The following ARRDC2 variants were observed in gnomAD, a reference collection of about 807,000 sequenced individuals.
ARRDC2 encodes arrestin domain containing 2, also known as arrestin domain-containing protein 2.
ARRDC2 carries 39 observed loss-of-function variants against 38.9 expected under a neutral mutation model. That is an observed-to-expected ratio of 1.00 (90% confidence interval 0.78 to 1.31). The LOEUF (loss-of-function observed/expected upper bound fraction) is 1.31, where lower values mean the gene tolerates loss of function less well. Ranked by LOEUF, ARRDC2 falls within the 50% of genes most tolerant of loss-of-function variation. The pLI, the probability that ARRDC2 is intolerant of heterozygous loss-of-function variation, is 0.00. For synonymous variants in ARRDC2, 300 were observed against 261.9 expected (o/e 1.15, Z -1.41); for missense variants, 553 against 588.4 (o/e 0.94, Z 0.62).
intron 7 of ARRDC2, among the ~76,000 whole-genome samples, chr19:18,011,234 G>T (rs1387589874): frequency 6.6e-6 from 1 of 152,102 alleles, no homozygotes; most frequent in Admixed American, 6.6e-5. Context: ...CTGACCTCAG[G>T]TGATGGCCTG....
At chr19:18,004,613 C>T (rs1381715840), upstream of ARRDC2, among the ~76,000 whole-genome samples, 2 of 151,298 alleles carry the variant, frequency 1.3e-5, no homozygotes, top group Admixed American at 6.6e-5. Flanking sequence ...CGCTGGAACC[C>T]GGAAGGTGGA....
chr19:18,002,776 C>T (rs530908798), intron 1 of ARRDC2, among the ~76,000 whole-genome samples: 43 of 152,124 alleles, frequency 2.8e-4, no homozygotes, highest in Non-Finnish European at 5.4e-4. Context: ...ACCCGAAGGC[C>T]GGCCCAGACA....
In ARRDC2 at chr19:18,010,057, C is replaced by G. The variant is rs757925493; in HGVS notation, c.849+18C>G. Reference sequence around the variant, plus strand: ...CACTCAAGGTAGGGCATCCTGCTGGCCCTGGGGGACAGTGCCTACATTCAC... The same window carrying G: ...CACTCAAGGTAGGGCATCCTGCTGGGCCTGGGGGACAGTGCCTACATTCAC... On this transcript the variant is annotated intron_variant, in intron 5 of 7. Transcript: ENST00000222250. 1 of 1,603,636 alleles carries G rather than the reference C, an allele frequency of 6.2e-7. No individual in the cohort carries two copies. The highest frequency in any genetic ancestry group is 8.5e-7 in the Non-Finnish European group (1 of 1,179,084).
At chr19:18,002,343 T>C (rs1295139189) in intron 1 of ARRDC2, among the ~76,000 whole-genome samples, 1 of 152,036 alleles carries the variant, frequency 6.6e-6, no homozygotes, top group African/African-American at 2.4e-5. Context: ...CTTGGGCAGG[T>C]CCCTACTCTT....
chr19:18,012,432 C>A (rs1361674005), intron 7 of ARRDC2, among the ~76,000 whole-genome samples: 1 of 151,694 alleles, frequency 6.6e-6, no homozygotes, highest in South Asian at 2.1e-4. Flanking sequence ...ACCAAAAATA[C>A]AAAAATTAGC....
At chr19:18,003,161 C>T (rs918419257) in intron 1 of ARRDC2, among the ~76,000 whole-genome samples, 3 of 152,116 alleles carry the variant, frequency 2.0e-5, no homozygotes, top group African/African-American at 7.2e-5. Context: ...GTGGGTCCAC[C>T]TGTGGTCCCA....
rs1272945189 is a variant in ARRDC2, at chr19:18,009,596, C to A, written c.494C>A (p.Pro165His). 2 of 1,600,844 alleles carry A rather than the reference C, an allele frequency of 1.2e-6. No individual in the cohort carries two copies. The highest frequency in any genetic ancestry group is 1.7e-6 in the Non-Finnish European group (2 of 1,170,534). Residue 165 changes from proline (P) to histidine (H), a missense_variant, in exon 4 of 8, where the codon CCT (proline) becomes CAT (histidine). Physicochemically the swap from Pro to His is moderately conservative, Grantham distance 77. Coordinates refer to ENST00000222250, the MANE Select transcript of ARRDC2 (RefSeq NM_015683.2). ...VDINTPALLAPQAGAREKVAR... is the reference protein window; with the variant it reads ...VDINTPALLAHQAGAREKVAR... ...CACTTTCCTCTACACCGACAGGCAC[C>A]TCAAGCGGGGGCTCGGGAAAAGGTT...
chr19:18,002,375 G>T (rs1469278121), intron 1 of ARRDC2, among the ~76,000 whole-genome samples: 1 of 152,144 alleles, frequency 6.6e-6, no homozygotes, highest in African/African-American at 2.4e-5. Context: ...AGTCCTTCTC[G>T]CACCCCAAGC....
chr19:18,012,274 T>C (rs2033430146), intron 7 of ARRDC2, among the ~76,000 whole-genome samples: 1 of 151,736 alleles, frequency 6.6e-6, no homozygotes, highest in Non-Finnish European at 1.5e-5. Context: ...GTATTATAGG[T>C]AATCTAGAAG....
At chr19:18,006,408 C>T (rs553567596), upstream of ARRDC2, among the ~76,000 whole-genome samples, 3 of 152,212 alleles carry the variant, frequency 2.0e-5, no homozygotes, top group East Asian at 3.8e-4. Context: ...GTGGATCACT[C>T]GAGGTTAGGA....
intron 7 of ARRDC2, among the ~76,000 whole-genome samples, chr19:18,011,330 C>T (rs551247580): frequency 3.9e-5 from 6 of 152,106 alleles, no homozygotes; most frequent in African/African-American, 1.4e-4. Context: ...TGTGGTCTCA[C>T]TGTGTTGCCC....
At chr19:18,006,741 C>T (rs539806864), upstream of ARRDC2, among the ~76,000 whole-genome samples, 134 of 152,318 alleles carry the variant, frequency 8.8e-4, 1 homozygote, top group South Asian at 0.015. Context: ...TGTGTGACCT[C>T]GGGCAGAGCC....
exon 1 of ARRDC2, chr19:18,001,162 T>A: frequency 1.2e-6 from 1 of 852,542 alleles, no homozygotes; most frequent in Non-Finnish European, 1.5e-6. Flanking sequence ...GCGCCCGCCC[T>A]GGGCCACCGG....
intron 1 of ARRDC2, among the ~76,000 whole-genome samples, chr19:18,002,339 C>T (rs1457374620): frequency 3.3e-5 from 5 of 152,198 alleles, no homozygotes; most frequent in Non-Finnish European, 1.5e-5. Context: ...GGGTCTTGGG[C>T]AGGTCCCTAC....
intron 2 of ARRDC2, 60 bp downstream of exon 2, chr19:18,008,837 C>T: frequency 6.9e-6 from 11 of 1,599,802 alleles, no homozygotes; most frequent in Non-Finnish European, 9.4e-6. Flanking sequence ...ATTGGTACCT[C>T]CAATACTGGA....
At chr19:18,002,245 G>A (rs145669305) in intron 1 of ARRDC2, among the ~76,000 whole-genome samples, 72 of 152,346 alleles carry the variant, frequency 4.7e-4, no homozygotes, top group African/African-American at 1.6e-3. Flanking sequence ...AGGGTTGGGG[G>A]TCTGGTGGTA....
At chr19:18,001,816 G>A (rs973102856) in intron 1 of ARRDC2, among the ~76,000 whole-genome samples, 1 of 152,178 alleles carries the variant, frequency 6.6e-6, no homozygotes, top group Non-Finnish European at 1.5e-5. Context: ...AGTGGCGCGC[G>A]CCTGGAGTCC....
chr19:18,009,066 G>T lies in ARRDC2; in HGVS notation c.437G>T (p.Arg146Met), dbSNP rs1219971231. 6.2e-7 allele frequency: 1 copy of T among 1,613,584 alleles called. No homozygotes were observed. Among genetic ancestry groups the T allele is most frequent in the Non-Finnish European group, 8.5e-7 (1 of 1,179,992 alleles). Residue 146 changes from arginine (R) to methionine (M), a missense_variant, in exon 3 of 8, where the codon AGG (arginine) becomes ATG (methionine). Arg to Met is a moderately conservative substitution (Grantham distance 91, BLOSUM62 -1). This residue lies in a region of ARRDC2 where 447 missense variants were observed against 456.6 expected (regional missense o/e 0.98). Transcript: ENST00000222250. ...HRPWVPARRARKVFTVIEPVD... is the reference protein window; with the variant it reads ...HRPWVPARRAMKVFTVIEPVD... ...CCCTGGGTCCCAGCACGCCGGGCAA[G>T]GAAGGTGTTCACTGTCATCGAGCCT...
In ARRDC2 at chr19:18,010,582, G is replaced by A. The variant is rs2033391647; in HGVS notation, c.1023G>A (p.Glu341=). 6.2e-7 allele frequency: 1 copy of A among 1,613,660 alleles called. No individual in the cohort carries two copies. The highest frequency in any genetic ancestry group is 1.1e-5 in the South Asian group (1 of 91,090). Residue 341 remains glutamate (E), a synonymous_variant, in exon 7 of 8, where the codon GAG becomes GAA. Coordinates refer to ENST00000222250, the MANE Select transcript of ARRDC2 (RefSeq NM_015683.2). ...GTCTCTCGCTTCCAGCTCCTCCTGA[G>A]TACTCGGAGGTGGTAGCCGACACTG... ...ALPERPEAPP[E]YSEVVADTEE...
Sources: gnomAD v4.1 joint callset for allele counts (sites outside exome capture counted in the v4.1 genomes callset) on GRCh38, gnomAD v4.1.1 for gene constraint, gnomAD v4.1.1 regional missense constraint, MANE v1.5 for transcripts, NCBI Gene and HGNC (gene_info 2026-07-23, HGNC 2026-07-21) for gene names.